Variants in RFX3 observed in about 807,000 individuals in gnomAD.
The protein encoded by RFX3 is transcription factor RFX3.
RFX3 carries 14 observed loss-of-function variants against 98.6 expected under a neutral mutation model. That is an observed-to-expected ratio of 0.14 (90% confidence interval 0.09 to 0.22). The LOEUF is 0.22. Among genes scored for constraint, RFX3 ranks in the 10% least tolerant of loss-of-function variants. RFX3 has a pLI of 1.00. For synonymous variants in RFX3, 383 were observed against 328.4 expected, an observed-to-expected ratio of 1.17 and a Z score of -1.80; for missense variants, 639 against 926.9, an observed-to-expected ratio of 0.69 and a Z score of 4.03.
At chr9:3,500,678 G>C (rs1268632833) in intron 1 of RFX3, among the ~76,000 whole-genome samples, 1 of 152,038 alleles carries the variant, frequency 6.6e-6, no homozygotes, top group Non-Finnish European at 1.5e-5. Context: ...AATTAAAATT[G>C]ATATTTCCCA....
chr9:3,487,536 C>A (rs1442962445), intron 1 of RFX3, among the ~76,000 whole-genome samples: 1 of 151,962 alleles, frequency 6.6e-6, no homozygotes, highest in African/African-American at 2.4e-5. Context: ...TTTCTATATC[C>A]ACGATGCCAT....
chr9:3,309,778 T>C (rs976569049), intron 4 of RFX3, among the ~76,000 whole-genome samples: 2 of 152,220 alleles, frequency 1.3e-5, no homozygotes, highest in Non-Finnish European at 2.9e-5. Flanking sequence ...GGAATGCATT[T>C]TCCCTATTTT....
At chr9:3,269,039 A>C (rs1824029009) in intron 11 of RFX3, among the ~76,000 whole-genome samples, 2 of 152,138 alleles carry the variant, frequency 1.3e-5, no homozygotes, top group South Asian at 4.1e-4. Context: ...TCTGGAACAT[A>C]AATCAGTAGA....
intron 2 of RFX3, among the ~76,000 whole-genome samples, chr9:3,385,430 G>A (rs1587443418): frequency 6.6e-6 from 1 of 152,192 alleles, no homozygotes; most frequent in African/African-American, 2.4e-5. Context: ...AAAACTCTTG[G>A]CCGGGTGCAG....
chr9:3,266,558 A>C (rs1823657639), intron 11 of RFX3, among the ~76,000 whole-genome samples: 1 of 152,054 alleles, frequency 6.6e-6, no homozygotes, highest in Admixed American at 6.6e-5. Flanking sequence ...AAAAGGATTC[A>C]AACATTTTTG....
chr9:3,378,852 G>C (rs958449034), intron 2 of RFX3, among the ~76,000 whole-genome samples: 1 of 152,014 alleles, frequency 6.6e-6, no homozygotes, highest in South Asian at 2.1e-4. Context: ...TACCATGCCC[G>C]GCCTTCTTTC....
At position 3,409,759 on chromosome 9, in the gene RFX3, G is replaced by C. The variant is rs547403430; in HGVS notation, c.-8-14163C>G. ...ATTTTCTTTTGGTGAAGGAGTAATCGGTTTTCAGATAATTGGCCTGCTTCC... is the reference window on the plus strand; with the variant it reads ...ATTTTCTTTTGGTGAAGGAGTAATCCGTTTTCAGATAATTGGCCTGCTTCC... On this transcript the variant is annotated intron_variant, in intron 1 of 16. Coordinates refer to ENST00000617270, the MANE Select transcript of RFX3 (RefSeq NM_001282116.2). 7.2e-5 allele frequency among the ~76,000 whole-genome samples: 11 copies of C among 152,176 alleles called. No individual in the cohort carries two copies. In the East Asian group the frequency reaches 9.7e-4, roughly 13 times the overall value.
intron 14 of RFX3, among the ~76,000 whole-genome samples, chr9:3,253,282 A>C (rs575755291): frequency 6.6e-6 from 1 of 152,326 alleles, no homozygotes; most frequent in Non-Finnish European, 1.5e-5. Flanking sequence ...TCCTTATGTG[A>C]ACTCACTCTT....
chr9:3,441,185 G>C (rs986571554), intron 1 of RFX3, among the ~76,000 whole-genome samples: 4 of 152,082 alleles, frequency 2.6e-5, no homozygotes, highest in African/African-American at 9.7e-5. Flanking sequence ...CTCATTGTTG[G>C]ATAGAGACAT....
intron 2 of RFX3, among the ~76,000 whole-genome samples, chr9:3,382,186 C>A (rs1839266608): frequency 1.3e-5 from 2 of 152,102 alleles, no homozygotes; most frequent in African/African-American, 4.8e-5. Context: ...CACATGCCAC[C>A]ACACTTGGCC....
At chr9:3,251,039 A>G (rs1007200151) in intron 14 of RFX3, among the ~76,000 whole-genome samples, 1 of 152,206 alleles carries the variant, frequency 6.6e-6, no homozygotes, top group Non-Finnish European at 1.5e-5. Context: ...CAGCATTTTT[A>G]AAAACTCTAT....
At chr9:3,456,717 C>T (rs560824263) in intron 1 of RFX3, among the ~76,000 whole-genome samples, 66 of 152,192 alleles carry the variant, frequency 4.3e-4, no homozygotes, top group Middle Eastern at 3.4e-3. Flanking sequence ...TGTCTGAAAC[C>T]GTGCTAAATC....
chr9:3,458,129 G>A (rs1005933736), intron 1 of RFX3, among the ~76,000 whole-genome samples: 1 of 152,128 alleles, frequency 6.6e-6, no homozygotes, highest in Admixed American at 6.5e-5. Flanking sequence ...GGAATGATGG[G>A]CTTCATGCAG....
At chr9:3,427,295 AATAT>A (rs1171896875) in intron 1 of RFX3, among the ~76,000 whole-genome samples, 3 of 143,386 alleles carry the variant, frequency 2.1e-5, no homozygotes, top group Admixed American at 1.4e-4. Flanking sequence ...ACTATATATA[AATAT>A]ATATTGTATT....
chr9:3,377,585 A>G (rs566054688), intron 2 of RFX3, among the ~76,000 whole-genome samples: 3 of 152,204 alleles, frequency 2.0e-5, no homozygotes, highest in Non-Finnish European at 2.9e-5. Context: ...CTTAAAGTAT[A>G]ATAATAAAAA....
intron 3 of RFX3, among the ~76,000 whole-genome samples, chr9:3,344,296 C>G (rs1231311661): frequency 6.6e-6 from 1 of 152,144 alleles, no homozygotes; most frequent in African/African-American, 2.4e-5. Flanking sequence ...ATGCTTGGAA[C>G]AAGCAGTGTT....
intron 13 of RFX3, among the ~76,000 whole-genome samples, chr9:3,260,916 A>C (rs2065610): frequency 0.26 from 38,208 of 149,054 alleles, 5,875 homozygotes; most frequent in African/African-American, 0.44. Context: ...CTCTCTCTCT[A>C]TATATATATA....
chr9:3,260,158 A>G (rs2131169740), intron 13 of RFX3, among the ~76,000 whole-genome samples: 1 of 152,204 alleles, frequency 6.6e-6, no homozygotes, highest in Admixed American at 6.5e-5. Flanking sequence ...GGGGGAAATG[A>G]AGGGCTCACT....
chr9:3,248,912 C>A (rs556850634), intron 14 of RFX3, among the ~76,000 whole-genome samples: 1 of 152,074 alleles, frequency 6.6e-6, no homozygotes, highest in African/African-American at 2.4e-5. Context: ...ATAATAAACT[C>A]TATTATATTT....
Sources: allele counts gnomAD v4.1 joint callset (sites outside exome capture counted in the v4.1 genomes callset), GRCh38; gene constraint gnomAD v4.1.1; transcripts MANE v1.5; gene names NCBI Gene and HGNC (gene_info 2026-07-23, HGNC 2026-07-21).